The following LIN7A variants were observed in gnomAD, a reference collection of about 807,000 sequenced individuals.
LIN7A encodes protein lin-7 homolog A.
Under a neutral mutation model 29.8 loss-of-function variants are expected in LIN7A, and 25 were observed. The ratio of observed to expected loss-of-function variants is 0.84; its 90% CI spans 0.61 to 1.17. The LOEUF (loss-of-function observed/expected upper bound fraction) is 1.17, where lower values mean the gene tolerates loss of function less well. Ranked by LOEUF, LIN7A falls within the 50% of genes most tolerant of loss-of-function variation. LIN7A has a pLI of 0.00. For synonymous variants in LIN7A, 118 were observed against 107.5 expected (o/e 1.10, Z -0.60); for missense variants, 239 against 287.0 (o/e 0.83, Z 1.21).
At chr12:80,922,999 C>T (rs1197987127) in intron 1 of LIN7A, among the ~76,000 whole-genome samples, 1 of 152,280 alleles carries the variant, frequency 6.6e-6, no homozygotes, top group East Asian at 1.9e-4. Flanking sequence ...TGGTAAATCA[C>T]TATTTCTTGT....
At chr12:80,883,145 A>T (rs1172659127) in intron 2 of LIN7A, among the ~76,000 whole-genome samples, 9 of 146,772 alleles carry the variant, frequency 6.1e-5, no homozygotes, top group African/African-American at 1.5e-4. Flanking sequence ...TCTCCTTCTC[A>T]TCCTTCACTC....
intron 2 of LIN7A, among the ~76,000 whole-genome samples, chr12:80,852,309 C>T (rs577374472): frequency 4.4e-4 from 67 of 152,150 alleles, no homozygotes; most frequent in Non-Finnish European, 8.4e-4. Flanking sequence ...ATCATTATCA[C>T]AATATAAACT....
intron 2 of LIN7A, among the ~76,000 whole-genome samples, chr12:80,879,816 T>A (rs533975952): frequency 4.6e-5 from 7 of 152,194 alleles, no homozygotes; most frequent in Non-Finnish European, 8.8e-5. Context: ...CAAACAGAAT[T>A]AAATTCCCTA....
intron 4 of LIN7A, among the ~76,000 whole-genome samples, chr12:80,830,169 T>C (rs12316031): frequency 0.16 from 24,435 of 152,174 alleles, 2,761 homozygotes; most frequent in African/African-American, 0.31. Flanking sequence ...TCCGTTCACC[T>C]GCTTGCTTAA....
intron 2 of LIN7A, among the ~76,000 whole-genome samples, chr12:80,882,273 A>AT (rs1875087101): frequency 8.2e-6 from 1 of 122,182 alleles, no homozygotes; most frequent in South Asian, 2.6e-4. Context: ...CAGTACTATC[A>AT]TTTTTCTTTC....
chr12:80,801,484 T>A (rs192146716), intron 5 of LIN7A, among the ~76,000 whole-genome samples: 49 of 152,296 alleles, frequency 3.2e-4, no homozygotes, highest in African/African-American at 1.1e-3. Flanking sequence ...CCTACAGAAT[T>A]ACAAGATATA....
intron 1 of LIN7A, among the ~76,000 whole-genome samples, chr12:80,934,048 C>T (rs1368343527): frequency 1.3e-5 from 2 of 152,142 alleles, no homozygotes; most frequent in Admixed American, 6.5e-5. Context: ...CCTTACTTAT[C>T]ATCCATCTCT....
chr12:80,927,247 C>T (rs1284919716), intron 1 of LIN7A, among the ~76,000 whole-genome samples: 16 of 148,008 alleles, frequency 1.1e-4, no homozygotes, highest in Admixed American at 9.6e-4. Context: ...TTGCAAGCTC[C>T]GCCTTCCGGC....
chr12:80,807,077 T>TTTTTTTTGTTTTTTG (rs1565883827), intron 5 of LIN7A, among the ~76,000 whole-genome samples: 1 of 115,538 alleles, frequency 8.7e-6, no homozygotes, highest in South Asian at 3.0e-4. Context: ...TTTTTTTTTT[T>TTTTTTTTGTTTTTTG]TTTTTTTTTT....
At chr12:80,808,518 T>C (rs1336088755) in intron 5 of LIN7A, among the ~76,000 whole-genome samples, 1 of 150,830 alleles carries the variant, frequency 6.6e-6, no homozygotes, top group Admixed American at 6.6e-5. Context: ...TTTTTTTTTT[T>C]TTTTTGAGAT....
intron 1 of LIN7A, among the ~76,000 whole-genome samples, chr12:80,933,703 T>G (rs1328960551): frequency 6.6e-6 from 1 of 152,150 alleles, no homozygotes; most frequent in African/African-American, 2.4e-5. Flanking sequence ...TGCACAGGAG[T>G]TCCCCCTCCT....
At chr12:80,891,593 C>T (rs1875629089) in intron 1 of LIN7A, among the ~76,000 whole-genome samples, 2 of 152,186 alleles carry the variant, frequency 1.3e-5, no homozygotes, top group East Asian at 1.9e-4. Flanking sequence ...TAGCCCCTTT[C>T]TCTTGCTTTC....
intron 4 of LIN7A, among the ~76,000 whole-genome samples, chr12:80,839,527 C>T (rs375772945): frequency 7.5e-4 from 114 of 152,288 alleles, no homozygotes; most frequent in African/African-American, 2.7e-3. Flanking sequence ...CAAATTACTG[C>T]CATCATTGGA....
At chr12:80,853,984 G>T (rs1873464913) in intron 2 of LIN7A, among the ~76,000 whole-genome samples, 1 of 152,138 alleles carries the variant, frequency 6.6e-6, no homozygotes, top group Non-Finnish European at 1.5e-5. Flanking sequence ...ATGAGCCACT[G>T]TGCCCCTGCT....
At chr12:80,825,325 G>A (rs548790372) in intron 4 of LIN7A, among the ~76,000 whole-genome samples, 11 of 152,310 alleles carry the variant, frequency 7.2e-5, no homozygotes, top group Admixed American at 3.3e-4. Context: ...CTAGTGCCAT[G>A]GGGCATTATC....
At chr12:80,817,370 A>C (rs1871586256) in intron 4 of LIN7A, among the ~76,000 whole-genome samples, 1 of 152,152 alleles carries the variant, frequency 6.6e-6, no homozygotes, top group Non-Finnish European at 1.5e-5. Context: ...TCTGTGCACT[A>C]TCAGTCATCA....
rs375359959 is a variant in LIN7A, at chr12:80,906,632, C to T, written c.83-17263G>A. On this transcript the variant is annotated intron_variant, in intron 1 of 5. Coordinates refer to ENST00000552864, the MANE Select transcript of LIN7A (RefSeq NM_004664.4). ...ACATAGTGATTAGAAAGGAGCCAGA[C>T]GCAAAGAAGGGAACATTAGACACCA... 9.2e-5 allele frequency among the ~76,000 whole-genome samples: 14 copies of T among 151,886 alleles called. No individual in the cohort carries two copies. In the East Asian group the frequency reaches 9.8e-4, roughly 11 times the overall value.
At chr12:80,811,389 G>C (rs1000452050) in intron 5 of LIN7A, 76 bp downstream of exon 5, 2 of 454,480 alleles carry the variant, frequency 4.4e-6, no homozygotes, top group Admixed American at 4.2e-5. Flanking sequence ...TATATTTTAA[G>C]TATATTCATA....
chr12:80,828,266 A>G (rs563742792), intron 4 of LIN7A, among the ~76,000 whole-genome samples: 1 of 152,144 alleles, frequency 6.6e-6, no homozygotes, highest in East Asian at 1.9e-4. Flanking sequence ...ATACATAAAG[A>G]TTTTCATTCA....
Sources: gnomAD v4.1 joint callset for allele counts (sites outside exome capture counted in the v4.1 genomes callset) on GRCh38, gnomAD v4.1.1 for gene constraint, MANE v1.5 for transcripts, NCBI Gene and HGNC (gene_info 2026-07-23, HGNC 2026-07-21) for gene names.